Variants in OR2M2 observed in about 807,000 individuals in gnomAD.
OR2M2 encodes the protein olfactory receptor family 2 subfamily M member 2.
For synonymous variants in OR2M2, 168 were observed against 151.7 expected, an observed-to-expected ratio of 1.11 and a Z score of -0.79; for missense variants, 467 against 429.9, an observed-to-expected ratio of 1.09 and a Z score of -0.76.
chr1:248,180,452 G>A lies in OR2M2; in HGVS notation c.467G>A (p.Gly156Glu). Residue 156 changes from glycine to glutamate, a missense_variant, in exon 2 of 2, where the codon GGA becomes GAA. Physicochemically the swap from Gly to Glu is moderately conservative, Grantham distance 98. Transcript: ENST00000641836. ...TFSWILGSTD[G>E]IIDAVATFSF... is the part of the protein sequence containing the mutation. ...TCCTGGATCCTGGGCTCTACAGATG[G>A]AATCATTGATGCTGTAGCCACATTT... 1 of 1,613,882 alleles carries A rather than the reference G, an allele frequency of 6.2e-7. No individual in the cohort carries two copies.
chr1:248,178,447 C>T (rs145842960), intron 1 of OR2M2, among the ~76,000 whole-genome samples: 291 of 152,274 alleles, frequency 1.9e-3, no homozygotes, highest in African/African-American at 6.1e-3. Context: ...CCACAACATA[C>T]AAGCAACATA....
intron 1 of OR2M2, among the ~76,000 whole-genome samples, chr1:248,176,500 A>G (rs1053031884): frequency 6.6e-6 from 1 of 152,116 alleles, no homozygotes; most frequent in Non-Finnish European, 1.5e-5. Flanking sequence ...GCAATGTCTA[A>G]TCCAAATTCA....
Position 248,180,128 on chromosome 1 carries a change from T to C in OR2M2, c.143T>C (p.Leu48Pro). Reference sequence around the variant, plus strand: ...ATGGGAAACTCTGTCATGGTTCTCCTCATCTACCTGGACACCCAGCTCCAC... The same window carrying C: ...ATGGGAAACTCTGTCATGGTTCTCCCCATCTACCTGGACACCCAGCTCCAC... ...AFMGNSVMVL[L>P]IYLDTQLHTP... The change falls in exon 2 of 2, where the codon CTC becomes CCC. Residue 48 changes from leucine (L) to proline (P), a missense_variant. Physicochemically the swap from Leu to Pro is moderately conservative, Grantham distance 98. Coordinates refer to ENST00000641836, the MANE Select transcript of OR2M2 (RefSeq NM_001004688.2). 1 of 1,613,896 alleles carries C rather than the reference T, an allele frequency of 6.2e-7. No individual in the cohort carries two copies. The highest frequency in any genetic ancestry group is 8.5e-7 in the Non-Finnish European group (1 of 1,179,952).
intron 1 of OR2M2, among the ~76,000 whole-genome samples, chr1:248,179,165 C>T (rs975638224): frequency 3.3e-5 from 5 of 152,118 alleles, no homozygotes; most frequent in African/African-American, 9.7e-5. Context: ...TCACTCCAGT[C>T]GCTGCCTCCC....
chr1:248,179,302 T>C (rs1369311929), intron 1 of OR2M2, among the ~76,000 whole-genome samples: 1 of 152,166 alleles, frequency 6.6e-6, no homozygotes, highest in Non-Finnish European at 1.5e-5. Flanking sequence ...TTACCGTCTT[T>C]ACGTATTTCC....
intron 1 of OR2M2, among the ~76,000 whole-genome samples, chr1:248,175,489 C>A (rs1665848285): frequency 6.6e-6 from 1 of 151,964 alleles, no homozygotes; most frequent in African/African-American, 2.4e-5. Flanking sequence ...GGGTTCCATT[C>A]CCAGGATATA....
In OR2M2 at chr1:248,175,712, T is replaced by C. The variant is rs140426327; in HGVS notation, c.-19+841T>C. ...GTTTACAACAAATATGTTACGTCTA[T>C]ATTTTGTAAAATGTTTTAAAATATT... On this transcript the variant is annotated intron_variant, in intron 1 of 1. Transcript: ENST00000641836. Among the ~76,000 whole-genome samples the C allele has an allele frequency of 6.4e-4, 97 of 152,278 alleles. No homozygotes were observed. The Middle Eastern group carries it at 0.014, about 21-fold the overall frequency.
intron 1 of OR2M2, among the ~76,000 whole-genome samples, chr1:248,178,242 A>ATAG (rs1553294156): frequency 9.2e-5 from 14 of 152,018 alleles, no homozygotes; most frequent in African/African-American, 3.4e-4. Context: ...TTCAGCTTTC[A>ATAG]TTGTTGTTTT....
At chr1:248,175,129 C>T (rs1375133005) in intron 1 of OR2M2, among the ~76,000 whole-genome samples, 2 of 152,012 alleles carry the variant, frequency 1.3e-5, no homozygotes, top group Non-Finnish European at 2.9e-5. Flanking sequence ...CCTGGAATCC[C>T]AGATGTGAGA....
rs1338106463 is a variant in OR2M2, at chr1:248,180,744, A to G, written c.759A>G (p.Gly253=). The stretch of plus-strand genomic sequence containing the variant: ...TCATGGTGGTGGGAATGTACTATGG[A>G]GCAGCTTTGTTCATGTACATACGGC... ...SHLMVVGMYY[G]AALFMYIRPT... Residue 253 remains glycine, a synonymous_variant, in exon 2 of 2, where the codon GGA becomes GGG. Coordinates refer to ENST00000641836, the MANE Select transcript of OR2M2 (RefSeq NM_001004688.2). 3 of 1,613,602 alleles carry G rather than the reference A, an allele frequency of 1.9e-6. No individual in the cohort carries two copies. The Admixed American group carries it at 5.0e-5, about 27-fold the overall frequency.
intron 1 of OR2M2, among the ~76,000 whole-genome samples, chr1:248,178,514 C>G (rs1304396756): frequency 6.6e-6 from 1 of 152,144 alleles, no homozygotes; most frequent in East Asian, 1.9e-4. Flanking sequence ...TTTCTATTTT[C>G]TCTGTGTATG....
intron 1 of OR2M2, chr1:248,177,953 A>C (rs1209029660): frequency 6.6e-6 from 1 of 152,096 alleles, no homozygotes; most frequent in Non-Finnish European, 1.5e-5. Context: ...TCACATAAGG[A>C]GGTTCCTTCT....
Position 248,180,198 on chromosome 1 carries a change from C to G in OR2M2, c.213C>G (p.Leu71=). The G allele has an allele frequency of 6.2e-7, 1 of 1,614,132 alleles. No homozygotes were observed. Among genetic ancestry groups the G allele is most frequent in the Non-Finnish European group, 8.5e-7 (1 of 1,180,028 alleles). ...FLLSQLSLMD[L]MLICTTVPKM... is the part of the protein sequence containing the mutation. ...TCAGCCAACTGTCCCTCATGGACCT[C>G]ATGCTCATCTGCACCACCGTACCCA... Residue 71 remains leucine, a synonymous_variant, in exon 2 of 2, where the codon CTC becomes CTG. Transcript: ENST00000641836.
rs775930351 is a variant in OR2M2, at chr1:248,180,266, T to C, written c.281T>C (p.Met94Thr). 2.5e-6 allele frequency: 4 copies of C among 1,614,190 alleles called. No homozygotes were observed. In the East Asian group the frequency reaches 6.7e-5, roughly 27 times the overall value. ...NYLSGSKSISMAGCVTQIFFY... is the reference protein window; with the variant it reads ...NYLSGSKSISTAGCVTQIFFY... ...CTGTCTGGCAGCAAGTCCATTTCTA[T>C]GGCTGGTTGTGTCACACAAATTTTC... is the stretch of plus-strand genomic sequence containing the variant. The change falls in exon 2 of 2, where the codon ATG becomes ACG. Residue 94 changes from methionine to threonine, a missense_variant. By Grantham distance (81) the Met-to-Thr change is moderately conservative (BLOSUM62 -1). Coordinates refer to ENST00000641836, the MANE Select transcript of OR2M2 (RefSeq NM_001004688.2).
intron 1 of OR2M2, among the ~76,000 whole-genome samples, chr1:248,177,139 T>C (rs1298581200): frequency 6.6e-6 from 1 of 151,984 alleles, no homozygotes; most frequent in African/African-American, 2.4e-5. Context: ...GGTGACAAAA[T>C]ACAAGACAAA....
In OR2M2 at chr1:248,180,813, A is replaced by G; in HGVS notation, c.828A>G (p.Val276=). 6.2e-7 allele frequency: 1 copy of G among 1,613,950 alleles called. No individual in the cohort carries two copies. The highest frequency in any genetic ancestry group is 8.5e-7 in the Non-Finnish European group (1 of 1,179,904). ...HSPTQDKMVS[V]FYTILTPMLN... is the part of the protein sequence containing the mutation. ...CAACGCAGGACAAGATGGTGTCTGT[A>G]TTCTACACCATCCTCACTCCCATGC... Residue 276 remains valine, a synonymous_variant, in exon 2 of 2, where the codon GTA becomes GTG. Transcript: ENST00000641836.
intron 1 of OR2M2, among the ~76,000 whole-genome samples, chr1:248,179,736 C>T (rs1665902464): frequency 6.6e-6 from 1 of 152,068 alleles, no homozygotes; most frequent in South Asian, 2.1e-4. Context: ...TCTAATTTTT[C>T]AATTGAAAAA....
intron 1 of OR2M2, among the ~76,000 whole-genome samples, chr1:248,176,162 T>A (rs1031569466): frequency 1.3e-5 from 2 of 152,220 alleles, no homozygotes; most frequent in Admixed American, 6.5e-5. Flanking sequence ...CACATAATGC[T>A]TTACATTTTT....
At chr1:248,175,807 T>A (rs1162807122) in intron 1 of OR2M2, among the ~76,000 whole-genome samples, 1 of 152,144 alleles carries the variant, frequency 6.6e-6, no homozygotes, top group Non-Finnish European at 1.5e-5. Context: ...TTTGTAGTAA[T>A]CATTATACCA....
Sources: gnomAD v4.1 joint callset for allele counts (sites outside exome capture counted in the v4.1 genomes callset) on GRCh38, gnomAD v4.1.1 for gene constraint, MANE v1.5 for transcripts, NCBI Gene and HGNC (gene_info 2026-07-23, HGNC 2026-07-21) for gene names.